The following CALD1 variants were observed in gnomAD, a reference collection of about 807,000 sequenced individuals.
CALD1 encodes the protein caldesmon 1, also known as caldesmon.
A neutral mutation model predicts 99.9 loss-of-function variants in CALD1; 33 were observed. The ratio of observed to expected loss-of-function variants is 0.33; its 90% CI spans 0.25 to 0.44. The LOEUF is 0.44. Among genes scored for constraint, CALD1 ranks in the 20% least tolerant of loss-of-function variants. The pLI, the probability that CALD1 is intolerant of heterozygous loss-of-function variation, is 1.00. For synonymous variants in CALD1, 310 were observed against 325.0 expected, an observed-to-expected ratio of 0.95 and a Z score of 0.50; for missense variants, 861 against 962.1, an observed-to-expected ratio of 0.89 and a Z score of 1.39.
chr7:134,823,501 C>A (rs1239896791), intron 1 of CALD1, among the ~76,000 whole-genome samples: 1 of 152,150 alleles, frequency 6.6e-6, no homozygotes. Context: ...TCTTTTCCCC[C>A]CGTCTTGCTA....
intron 3 of CALD1, among the ~76,000 whole-genome samples, chr7:134,909,784 A>G (rs1414028440): frequency 1.3e-5 from 2 of 152,218 alleles, no homozygotes; most frequent in Non-Finnish European, 2.9e-5. Flanking sequence ...AGTTATAAAC[A>G]TAGATGATAT....
chr7:134,767,201 G>C lies in CALD1; in HGVS notation c.-130+22838G>C, dbSNP rs951220478. ...ACTCTCTCTCTCTCTGTCTCTGTGTGTGTGTGTGTGTGTGTGTGTGTGTGC... is the reference window on the plus strand; with the variant it reads ...ACTCTCTCTCTCTCTGTCTCTGTGTCTGTGTGTGTGTGTGTGTGTGTGTGC... On this transcript the variant is annotated intron_variant, in intron 1 of 13. Transcript: ENST00000417172. Among the ~76,000 whole-genome samples the C allele has an allele frequency of 3.8e-3, 561 of 147,352 alleles. 2 individuals carry two copies. The highest frequency in any genetic ancestry group is 0.013 in the African/African-American group (525 of 39,214).
intron 1 of CALD1, among the ~76,000 whole-genome samples, chr7:134,764,729 G>A (rs920465841): frequency 3.3e-5 from 5 of 152,074 alleles, no homozygotes; most frequent in Non-Finnish European, 5.9e-5. Flanking sequence ...TGAGCTGGGT[G>A]CTGGGATTTT....
chr7:134,719,710 TTGTG>T, the CALD1 span, among the ~76,000 whole-genome samples: 1 of 152,160 alleles, frequency 6.6e-6, no homozygotes, highest in Non-Finnish European at 1.5e-5. Flanking sequence ...GTCAACGGCC[TTGTG>T]TGTGTGCAAA....
intron 1 of CALD1, among the ~76,000 whole-genome samples, chr7:134,840,700 A>C (rs1372977023): frequency 6.6e-6 from 1 of 152,226 alleles, no homozygotes; most frequent in Non-Finnish European, 1.5e-5. Flanking sequence ...GTATCCTGTC[A>C]TGGAAGGAGC....
At chr7:134,768,870 A>G (rs751309947) in intron 1 of CALD1, among the ~76,000 whole-genome samples, 1 of 152,026 alleles carries the variant, frequency 6.6e-6, no homozygotes, top group African/African-American at 2.4e-5. Flanking sequence ...GCCAACAACT[A>G]TCTTAAATTT....
intron 3 of CALD1, among the ~76,000 whole-genome samples, chr7:134,928,486 T>G (rs1677171324): frequency 6.6e-6 from 1 of 151,734 alleles, no homozygotes; most frequent in South Asian, 2.1e-4. Context: ...GGCAACTTGC[T>G]TTTGTGCAGA....
upstream of CALD1, among the ~76,000 whole-genome samples, chr7:134,739,314 G>T (rs1796574530): frequency 6.6e-6 from 1 of 152,128 alleles, no homozygotes; most frequent in African/African-American, 2.4e-5. Context: ...CTTATCCAAG[G>T]TTACATTTAC....
At chr7:134,778,217 T>C (rs1035629785), upstream of CALD1, among the ~76,000 whole-genome samples, 8 of 152,190 alleles carry the variant, frequency 5.3e-5, no homozygotes, top group Non-Finnish European at 1.2e-4. Context: ...TATGGATGCC[T>C]CTGGGTAACT....
chr7:134,876,869 C>T (rs1433112570), intron 3 of CALD1, among the ~76,000 whole-genome samples: 1 of 152,164 alleles, frequency 6.6e-6, no homozygotes, highest in African/African-American at 2.4e-5. Flanking sequence ...ACATTTATCA[C>T]TACTATCTTT....
rs754284963 is a variant in CALD1, at chr7:134,933,485, A to G, written c.716A>G (p.Lys239Arg). The change falls in exon 5 of 15, where the codon AAA (lysine) becomes AGA (arginine). Residue 239 changes from lysine (K) to arginine (R), a missense_variant. Around this residue, in one of 5 missense-constraint regions of CALD1, gnomAD observed 234 missense variants for 233.1 expected, o/e 1.00. Transcript: ENST00000361675. Reference sequence around the variant, plus strand: ...GGGCAGATCAGTTCAGAAGAGCCTAAACAAGAGGAGGAGAGGGAACAAGGT... The same window carrying G: ...GGGCAGATCAGTTCAGAAGAGCCTAGACAAGAGGAGGAGAGGGAACAAGGT... The part of the protein sequence containing the change: ...KNGQISSEEP[K>R]QEEEREQGSD... The G allele has an allele frequency of 1.2e-6, 2 of 1,613,954 alleles. No individual in the cohort carries two copies. Among genetic ancestry groups the G allele is most frequent in the African/African-American group, 2.7e-5 (2 of 74,902 alleles).
the CALD1 span, among the ~76,000 whole-genome samples, chr7:134,729,978 G>A: frequency 4.6e-5 from 7 of 152,168 alleles, no homozygotes; most frequent in East Asian, 3.9e-4. Context: ...CCCAGAGTGC[G>A]GTCCCTGAAG....
chr7:134,723,686 C>T, the CALD1 span, among the ~76,000 whole-genome samples: 1 of 151,920 alleles, frequency 6.6e-6, no homozygotes, highest in African/African-American at 2.4e-5. Context: ...ATATTTCTGA[C>T]TGTCACAATT....
chr7:134,797,077 T>C (rs1797773444), intron 1 of CALD1, among the ~76,000 whole-genome samples: 1 of 152,160 alleles, frequency 6.6e-6, no homozygotes, highest in African/African-American at 2.4e-5. Context: ...CAGGCTTGAA[T>C]GCAGTGGCGC....
At chr7:134,742,024 C>CACACAG (rs1236787226), upstream of CALD1, among the ~76,000 whole-genome samples, 352 of 151,848 alleles carry the variant, frequency 2.3e-3, 2 homozygotes, top group African/African-American at 8.0e-3. Flanking sequence ...GATACACACA[C>CACACAG]ACACACACAC....
At chr7:134,732,225 G>A in the CALD1 span, among the ~76,000 whole-genome samples, 2 of 152,164 alleles carry the variant, frequency 1.3e-5, no homozygotes, top group Non-Finnish European at 2.9e-5. Flanking sequence ...CTGTACATCA[G>A]TCTTTCTGAA....
At chr7:134,741,000 A>G (rs1008452181), upstream of CALD1, among the ~76,000 whole-genome samples, 1 of 152,210 alleles carries the variant, frequency 6.6e-6, no homozygotes, top group Non-Finnish European at 1.5e-5. Flanking sequence ...GAATTGAGGC[A>G]TAGCGAGGTT....
At chr7:134,728,845 C>CTTTTTTT in the CALD1 span, among the ~76,000 whole-genome samples, 17 of 124,224 alleles carry the variant, frequency 1.4e-4, no homozygotes, top group African/African-American at 3.8e-4. Context: ...TATACCTTTT[C>CTTTTTTT]TTTTTTTTTT....
intron 1 of CALD1, among the ~76,000 whole-genome samples, chr7:134,835,823 G>C (rs1261770334): frequency 6.6e-6 from 1 of 152,112 alleles, no homozygotes; most frequent in Non-Finnish European, 1.5e-5. Context: ...TATCCTATAT[G>C]CTGGAGGCTG....
Sources: gnomAD v4.1 joint callset for allele counts (sites outside exome capture counted in the v4.1 genomes callset) on GRCh38, gnomAD v4.1.1 for gene constraint, gnomAD v4.1.1 regional missense constraint, MANE v1.5 for transcripts, NCBI Gene and HGNC (gene_info 2026-07-23, HGNC 2026-07-21) for gene names.